The following REDIC1 variants were observed in gnomAD, a reference collection of about 807,000 sequenced individuals.
REDIC1 encodes HEI10 Interacting Protein 1.
chr12:39,859,338 A>G, the REDIC1 span, among the ~76,000 whole-genome samples: 3 of 144,568 alleles, frequency 2.1e-5, no homozygotes, highest in African/African-American at 5.4e-5. Context: ...TTTCTGAAAA[A>G]AAAAAAAAAA....
At chr12:39,856,230 TATCCATGCATCC>T in the REDIC1 span, among the ~76,000 whole-genome samples, 2 of 152,146 alleles carry the variant, frequency 1.3e-5, no homozygotes, top group Non-Finnish European at 2.9e-5. Context: ...TTCATCCATC[TATCCATGCATCC>T]ATCCATCCAT....
the REDIC1 span, among the ~76,000 whole-genome samples, chr12:39,665,549 G>A: frequency 1.2e-3 from 166 of 138,788 alleles, 2 homozygotes; most frequent in African/African-American, 3.6e-3. Flanking sequence ...TTGACTTGGC[G>A]ATGCGGGCTC....
At chr12:39,695,805 G>T in the REDIC1 span, among the ~76,000 whole-genome samples, 1 of 152,284 alleles carries the variant, frequency 6.6e-6, no homozygotes, top group South Asian at 2.1e-4. Flanking sequence ...TTAAGACCCA[G>T]TGCTGTGCTG....
At chr12:39,684,800 T>C in the REDIC1 span, 1 of 1,209,566 alleles carries the variant, frequency 8.3e-7, no homozygotes, top group Non-Finnish European at 1.2e-6. Flanking sequence ...TTGGGAACTC[T>C]AATTTAGAAC....
At chr12:39,754,621 G>C in the REDIC1 span, among the ~76,000 whole-genome samples, 99 of 152,100 alleles carry the variant, frequency 6.5e-4, 1 homozygote, top group African/African-American at 2.2e-3. Flanking sequence ...GGAGAGCAAC[G>C]GAGTCCCAAA....
the REDIC1 span, among the ~76,000 whole-genome samples, chr12:39,816,511 A>G: frequency 6.6e-6 from 1 of 151,546 alleles, no homozygotes; most frequent in Non-Finnish European, 1.5e-5. Flanking sequence ...GCACACCAAC[A>G]TGGCACATGT....
the REDIC1 span, among the ~76,000 whole-genome samples, chr12:39,863,227 T>A: frequency 6.6e-6 from 1 of 152,144 alleles, no homozygotes; most frequent in African/African-American, 2.4e-5. Context: ...CCTTACATCA[T>A]AAGGATTAAC....
the REDIC1 span, among the ~76,000 whole-genome samples, chr12:39,879,011 G>A: frequency 5.4e-4 from 83 of 152,382 alleles, 1 homozygote; most frequent in Admixed American, 1.6e-3. Context: ...AGCTCCAGCT[G>A]TGACTCAAAG....
the REDIC1 span, among the ~76,000 whole-genome samples, chr12:39,906,915 AGGAAGCAAAATATAT>A: frequency 6.6e-6 from 1 of 152,186 alleles, no homozygotes; most frequent in Non-Finnish European, 1.5e-5. Context: ...AAGGTCCATT[AGGAAGCAAAATATAT>A]TTTTATTTGA....
the REDIC1 span, among the ~76,000 whole-genome samples, chr12:39,858,769 G>T: frequency 4.6e-5 from 7 of 152,034 alleles, no homozygotes; most frequent in African/African-American, 1.4e-4. Flanking sequence ...ACCACACTTG[G>T]CTAATTTTTT....
the REDIC1 span, among the ~76,000 whole-genome samples, chr12:39,876,072 A>G: frequency 2.6e-5 from 4 of 152,194 alleles, no homozygotes; most frequent in Non-Finnish European, 4.4e-5. Flanking sequence ...CAGACAAACT[A>G]TCATCTTCTT....
At chr12:39,893,301 C>CTCTTT in the REDIC1 span, among the ~76,000 whole-genome samples, 2 of 152,082 alleles carry the variant, frequency 1.3e-5, no homozygotes, top group African/African-American at 2.4e-5. Flanking sequence ...AGTTTTATAG[C>CTCTTT]TCTTTTCTTT....
chr12:39,742,008 A>T, the REDIC1 span, among the ~76,000 whole-genome samples: 3 of 152,136 alleles, frequency 2.0e-5, no homozygotes, highest in African/African-American at 7.2e-5. Flanking sequence ...GCAGTCTATG[A>T]TCTCTATTTT....
At chr12:39,875,818 AAAT>A in the REDIC1 span, among the ~76,000 whole-genome samples, 14 of 152,214 alleles carry the variant, frequency 9.2e-5, no homozygotes, top group Non-Finnish European at 1.9e-4. Context: ...ATGTTTTCAT[AAAT>A]AATGATGTCA....
the REDIC1 span, chr12:39,756,897 C>A: frequency 2.0e-5 from 3 of 151,488 alleles, no homozygotes; most frequent in African/African-American, 7.3e-5. Flanking sequence ...ATTCTCATAG[C>A]ATTTTGTATC....
the REDIC1 span, among the ~76,000 whole-genome samples, chr12:39,732,720 T>C: frequency 2.0e-5 from 3 of 152,334 alleles, no homozygotes; most frequent in East Asian, 3.9e-4. Flanking sequence ...TTTTTCTTAA[T>C]ATAATTAATT....
the REDIC1 span, among the ~76,000 whole-genome samples, chr12:39,677,470 G>T: frequency 6.6e-6 from 1 of 152,038 alleles, no homozygotes; most frequent in Non-Finnish European, 1.5e-5. Flanking sequence ...CCTAAGAAAT[G>T]AGATAGATGG....
the REDIC1 span, among the ~76,000 whole-genome samples, chr12:39,896,621 T>C: frequency 6.6e-6 from 1 of 151,542 alleles, no homozygotes; most frequent in East Asian, 1.9e-4. Context: ...TGTTTATATG[T>C]AAATTACATA....
chr12:39,738,058 C>T, the REDIC1 span, among the ~76,000 whole-genome samples: 2 of 152,022 alleles, frequency 1.3e-5, no homozygotes. Context: ...GAAATGTTTC[C>T]ATGTTTGAAA....
Sources: gnomAD v4.1 joint callset for allele counts (sites outside exome capture counted in the v4.1 genomes callset) on GRCh38, gnomAD v4.1.1 for gene constraint, MANE v1.5 for transcripts, NCBI Gene and HGNC (gene_info 2026-07-23, HGNC 2026-07-21) for gene names.